The following PHTF2 variants were observed in gnomAD, a reference collection of about 807,000 sequenced individuals.
PHTF2 encodes the protein protein PHTF2.
Under a neutral mutation model 101.2 loss-of-function variants are expected in PHTF2, and 60 were observed. That is an observed-to-expected ratio of 0.59 (90% confidence interval 0.48 to 0.73). The LOEUF is 0.73. Ranked by LOEUF, PHTF2 falls within the 30% of genes least tolerant of loss-of-function variation. PHTF2 has a pLI of 0.00. For synonymous variants in PHTF2, 311 were observed against 307.3 expected (o/e 1.01, Z -0.13); for missense variants, 747 against 908.7 (o/e 0.82, Z 2.29).
intron 3 of PHTF2, among the ~76,000 whole-genome samples, chr7:77,876,409 G>A (rs779569583): frequency 2.0e-5 from 3 of 152,252 alleles, no homozygotes; most frequent in South Asian, 2.1e-4. Context: ...TTATAAATGC[G>A]TCTGTGGCCA....
At chr7:77,942,744 T>C in exon 16 of PHTF2, 3 of 1,603,162 alleles carry the variant, frequency 1.9e-6, no homozygotes, top group Non-Finnish European at 2.6e-6. Context: ...TTTCATCTGC[T>C]TTCTTATTGA....
chr7:77,875,646 C>T (rs1034163883), intron 3 of PHTF2, among the ~76,000 whole-genome samples: 1 of 152,094 alleles, frequency 6.6e-6, no homozygotes, highest in African/African-American at 2.4e-5. Flanking sequence ...CAAGCTCCGT[C>T]TCCTGGGTTC....
chr7:77,915,688 C>G (rs777337079), intron 9 of PHTF2, among the ~76,000 whole-genome samples: 1 of 152,146 alleles, frequency 6.6e-6, no homozygotes, highest in Non-Finnish European at 1.5e-5. Context: ...GGCCACCACT[C>G]TCGGGCCAGA....
intron 14 of PHTF2, 105 bp downstream of exon 13, chr7:77,940,407 TA>T: frequency 7.8e-7 from 1 of 1,277,956 alleles, no homozygotes; most frequent in Non-Finnish European, 1.1e-6. Flanking sequence ...TTTACCTAAT[TA>T]TTTTTTATTT....
chr7:77,828,777 A>C (rs7808675), intron 1 of PHTF2, among the ~76,000 whole-genome samples: 8,276 of 151,302 alleles, frequency 0.055, 310 homozygotes, highest in South Asian at 0.17. Flanking sequence ...CTGAGGCACA[A>C]GAATTGCTTG....
intron 2 of PHTF2, among the ~76,000 whole-genome samples, chr7:77,848,457 C>T (rs903278340): frequency 1.3e-5 from 2 of 152,268 alleles, no homozygotes; most frequent in Admixed American, 6.5e-5. Context: ...CTCTGATGAT[C>T]CATGATGTGA....
At chr7:77,879,391 C>T (rs1584571331) in intron 3 of PHTF2, among the ~76,000 whole-genome samples, 1 of 152,102 alleles carries the variant, frequency 6.6e-6, no homozygotes, top group Admixed American at 6.5e-5. Flanking sequence ...GCTGCAGAGG[C>T]CTAAAGAACT....
intron 1 of PHTF2, among the ~76,000 whole-genome samples, chr7:77,805,313 C>T (rs1291473153): frequency 1.3e-5 from 2 of 152,116 alleles, no homozygotes; most frequent in African/African-American, 4.8e-5. Context: ...CTCTCCTATT[C>T]TCCTGGCTAG....
At chr7:77,815,232 G>C (rs759454625) in intron 1 of PHTF2, among the ~76,000 whole-genome samples, 1 of 152,118 alleles carries the variant, frequency 6.6e-6, no homozygotes, top group Non-Finnish European at 1.5e-5. Flanking sequence ...GGGAACATGC[G>C]TGTTGGGAAC....
At chr7:77,887,273 G>A (rs1391861765) in intron 3 of PHTF2, among the ~76,000 whole-genome samples, 3 of 151,930 alleles carry the variant, frequency 2.0e-5, no homozygotes, top group Non-Finnish European at 4.4e-5. Context: ...ACAGTCTTCA[G>A]TAGGTCAGAA....
At chr7:77,818,213 T>G (rs1794008880) in intron 1 of PHTF2, among the ~76,000 whole-genome samples, 1 of 152,210 alleles carries the variant, frequency 6.6e-6, no homozygotes, top group Non-Finnish European at 1.5e-5. Context: ...CTATAGGTTA[T>G]CTTTTTACTC....
chr7:77,933,527 G>A (rs1337557140), intron 12 of PHTF2, among the ~76,000 whole-genome samples: 3 of 152,172 alleles, frequency 2.0e-5, no homozygotes, highest in South Asian at 4.1e-4. Flanking sequence ...GGCTGTGGGA[G>A]TAGCGTCCTT....
chr7:77,910,340 G>A (rs1227557585), exon 9 of PHTF2: 6 of 1,613,766 alleles, frequency 3.7e-6, no homozygotes, highest in African/African-American at 2.7e-5. Flanking sequence ...CAGAACCACG[G>A]TACAAGCACC....
intron 1 of PHTF2, among the ~76,000 whole-genome samples, chr7:77,826,553 A>G (rs1794710326): frequency 6.6e-6 from 1 of 152,190 alleles, no homozygotes; most frequent in African/African-American, 2.4e-5. Flanking sequence ...CGTCATTAAA[A>G]TAACATTGAA....
chr7:77,943,893 C>T (rs1584784230), intron 16 of PHTF2, among the ~76,000 whole-genome samples: 1 of 152,040 alleles, frequency 6.6e-6, no homozygotes, highest in Non-Finnish European at 1.5e-5. Context: ...TGGTAGGCGC[C>T]TGTAATCCCA....
chr7:77,839,097 G>C (rs1373757911), intron 1 of PHTF2, among the ~76,000 whole-genome samples: 1 of 152,174 alleles, frequency 6.6e-6, no homozygotes, highest in African/African-American at 2.4e-5. Context: ...CAAACTAGTG[G>C]TAGCGTTTCT....
At chr7:77,812,530 C>T (rs1793519228) in intron 1 of PHTF2, among the ~76,000 whole-genome samples, 1 of 151,824 alleles carries the variant, frequency 6.6e-6, no homozygotes, top group Non-Finnish European at 1.5e-5. Context: ...AGATGAATCA[C>T]AAGGAAAGGA....
intron 1 of PHTF2, among the ~76,000 whole-genome samples, chr7:77,800,293 AAT>A (rs1389251881): frequency 3.0e-4 from 45 of 152,274 alleles, no homozygotes; most frequent in African/African-American, 1.0e-3. Flanking sequence ...AGAGGAGAGG[AAT>A]CTGGAGGTCT....
chr7:77,881,397 A>G (rs988155447), intron 3 of PHTF2, among the ~76,000 whole-genome samples: 2 of 152,198 alleles, frequency 1.3e-5, no homozygotes, highest in South Asian at 2.1e-4. Flanking sequence ...TAGGTGATCA[A>G]ATTGACCACA....
Sources: gnomAD v4.1 joint callset for allele counts (sites outside exome capture counted in the v4.1 genomes callset) on GRCh38, gnomAD v4.1.1 for gene constraint, MANE v1.5 for transcripts, NCBI Gene and HGNC (gene_info 2026-07-23, HGNC 2026-07-21) for gene names.